The following TBCK variants were observed in gnomAD, a reference collection of about 807,000 sequenced individuals.
The protein encoded by TBCK is TBC domain-containing protein kinase-like protein.
TBCK carries 99 observed loss-of-function variants against 113.4 expected under a neutral mutation model. The observed-to-expected ratio is 0.87, with a 90% CI of 0.74 to 1.03. The LOEUF (loss-of-function observed/expected upper bound fraction) is 1.03. Among genes scored for constraint, TBCK ranks in the 50% least tolerant of loss-of-function variants. TBCK has a pLI of 0.00. For synonymous variants in TBCK, 369 were observed against 370.8 expected (o/e 1.00, Z 0.05); for missense variants, 1,045 against 1,061.3 (o/e 0.98, Z 0.21).
At chr4:106,130,372 A>G (rs1745739629) in intron 23 of TBCK, among the ~76,000 whole-genome samples, 1 of 152,200 alleles carries the variant, frequency 6.6e-6, no homozygotes, top group African/African-American at 2.4e-5. Context: ...GTGAAAAACA[A>G]AAATAATGTT....
chr4:106,270,039 T>C (rs987809707), intron 3 of TBCK, among the ~76,000 whole-genome samples: 12 of 152,130 alleles, frequency 7.9e-5, no homozygotes, highest in African/African-American at 2.7e-4. Flanking sequence ...TGGAGATCAA[T>C]GAGCTATCGG....
intron 23 of TBCK, among the ~76,000 whole-genome samples, chr4:106,133,017 T>C (rs1417862807): frequency 6.6e-6 from 1 of 152,216 alleles, no homozygotes; most frequent in Non-Finnish European, 1.5e-5. Flanking sequence ...CTTTGGACTG[T>C]GGACTTTTGA....
chr4:106,130,798 TA>T (rs1745809158), intron 23 of TBCK, among the ~76,000 whole-genome samples: 1 of 152,204 alleles, frequency 6.6e-6, no homozygotes, highest in African/African-American at 2.4e-5. Flanking sequence ...TAAACTCTCT[TA>T]AATACTTCAT....
At chr4:106,167,180 G>GTA (rs56951945) in intron 23 of TBCK, among the ~76,000 whole-genome samples, 1,628 of 143,264 alleles carry the variant, frequency 0.011, 27 homozygotes, top group African/African-American at 0.038. Context: ...ATATAGAACT[G>GTA]TATATATATA....
rs190904859 is a variant in TBCK, at chr4:106,173,910, G to A, written c.2060-2640C>T. On this transcript the variant is annotated intron_variant, in intron 22 of 25. Transcript: ENST00000394708. The stretch of plus-strand genomic sequence containing the variant: ...GACAATGCATTGTGAATAAAACATG[G>A]ATTATGGTTTCCCAGGTTTGAATTA... 6.6e-5 allele frequency among the ~76,000 whole-genome samples: 10 copies of A among 151,776 alleles called. No homozygotes were observed. In the East Asian group the frequency reaches 1.4e-3, roughly 21 times the overall value.
At chr4:106,052,875 T>G (rs1734962170) in intron 25 of TBCK, among the ~76,000 whole-genome samples, 1 of 151,770 alleles carries the variant, frequency 6.6e-6, no homozygotes, top group Admixed American at 6.6e-5. Context: ...TTCCATGCCC[T>G]CTTCCCACCT....
intron 3 of TBCK, among the ~76,000 whole-genome samples, chr4:106,283,042 C>T (rs1334197533): frequency 6.6e-6 from 1 of 151,996 alleles, no homozygotes; most frequent in Non-Finnish European, 1.5e-5. Flanking sequence ...TTTTAAAAAA[C>T]ATTTCTAGGA....
At chr4:106,096,363 A>G (rs190604272) in intron 24 of TBCK, among the ~76,000 whole-genome samples, 217 of 152,354 alleles carry the variant, frequency 1.4e-3, no homozygotes, top group Middle Eastern at 3.4e-3. Flanking sequence ...TTTATAACAC[A>G]TACTAAGAAC....
In TBCK at chr4:106,251,933, T is replaced by G; in HGVS notation, c.530A>C (p.Lys177Thr). Residue 177 changes from lysine to threonine, a missense_variant, in exon 6 of 26, where the codon AAA becomes ACA. Lys to Thr is a moderately conservative substitution (Grantham distance 78). Transcript: ENST00000394708. ...TGATTTGGGGCCAGAAGGCAATGGT[T>G]TTTTACTTGGCATGTGATCAGTGGT... ...FKTTDHMPSK[K>T]PLPSGPKSDV... The G allele has an allele frequency of 1.2e-6, 2 of 1,611,834 alleles. No homozygotes were observed. Among genetic ancestry groups the G allele is most frequent in the Non-Finnish European group, 1.7e-6 (2 of 1,178,500 alleles).
intron 23 of TBCK, among the ~76,000 whole-genome samples, chr4:106,152,723 C>A (rs1350098846): frequency 6.6e-6 from 1 of 151,946 alleles, no homozygotes; most frequent in Non-Finnish European, 1.5e-5. Flanking sequence ...CATTTCTTTG[C>A]TGGTAGAATT....
intron 24 of TBCK, among the ~76,000 whole-genome samples, chr4:106,109,793 G>A (rs1246070378): frequency 1.3e-5 from 2 of 152,154 alleles, no homozygotes; most frequent in Non-Finnish European, 2.9e-5. Flanking sequence ...TTAAACTTAA[G>A]AGCTTCTGCA....
At chr4:106,093,351 G>A (rs1293048058) in intron 25 of TBCK, among the ~76,000 whole-genome samples, 4 of 151,922 alleles carry the variant, frequency 2.6e-5, no homozygotes, top group Admixed American at 1.3e-4. Flanking sequence ...CTAAAAATAC[G>A]AAAAAATTAG....
At chr4:106,151,204 C>T (rs554918169) in intron 23 of TBCK, among the ~76,000 whole-genome samples, 1 of 152,052 alleles carries the variant, frequency 6.6e-6, no homozygotes, top group African/African-American at 2.4e-5. Flanking sequence ...TACAAAAAAT[C>T]TAATTATACA....
At chr4:106,209,778 CT>C (rs994875479) in intron 20 of TBCK, among the ~76,000 whole-genome samples, 2 of 151,656 alleles carry the variant, frequency 1.3e-5, no homozygotes, top group African/African-American at 2.4e-5. Flanking sequence ...AATTGCCTGA[CT>C]TTTTTTTAAT....
At chr4:106,121,995 G>C (rs1324210487) in intron 23 of TBCK, among the ~76,000 whole-genome samples, 1 of 152,122 alleles carries the variant, frequency 6.6e-6, no homozygotes, top group African/African-American at 2.4e-5. Flanking sequence ...ACATTCAAAA[G>C]CTAGCAGAAG....
intron 19 of TBCK, among the ~76,000 whole-genome samples, chr4:106,225,024 C>T (rs759071020): frequency 3.6e-4 from 54 of 152,036 alleles, no homozygotes; most frequent in Non-Finnish European, 6.9e-4. Context: ...ATTTATTTAC[C>T]GTATCATAGT....
intron 3 of TBCK, among the ~76,000 whole-genome samples, chr4:106,284,266 A>G (rs1002951325): frequency 1.1e-4 from 17 of 152,148 alleles, no homozygotes; most frequent in Non-Finnish European, 7.4e-5. Flanking sequence ...TAAAATAAGA[A>G]TATCTAACAT....
At chr4:106,292,773 A>C (rs1000503848) in intron 3 of TBCK, among the ~76,000 whole-genome samples, 1 of 152,172 alleles carries the variant, frequency 6.6e-6, no homozygotes, top group Admixed American at 6.5e-5. Context: ...AGCACATTTC[A>C]GTGACACAGA....
chr4:106,174,028 G>A (rs1579125778), intron 22 of TBCK, among the ~76,000 whole-genome samples: 1 of 151,986 alleles, frequency 6.6e-6, no homozygotes, highest in African/African-American at 2.4e-5. Flanking sequence ...AGATCTTTCA[G>A]AAATACTGAA....
Sources: gnomAD v4.1 joint callset for allele counts (sites outside exome capture counted in the v4.1 genomes callset) on GRCh38, gnomAD v4.1.1 for gene constraint, MANE v1.5 for transcripts, NCBI Gene and HGNC (gene_info 2026-07-23, HGNC 2026-07-21) for gene names.